Variants in SEMA4G observed in about 807,000 individuals in gnomAD.
SEMA4G encodes semaphorin 4G, also known as semaphorin-4G.
Under a neutral mutation model 81.2 loss-of-function variants are expected in SEMA4G, and 59 were observed. The ratio of observed to expected loss-of-function variants is 0.73; its 90% CI spans 0.59 to 0.90. The LOEUF (loss-of-function observed/expected upper bound fraction) is 0.90, where lower values mean the gene tolerates loss of function less well. SEMA4G is among the 40% of genes least tolerant of loss of function. SEMA4G has a pLI of 0.00. For missense variants in SEMA4G, 952 were observed against 1,102.3 expected (o/e 0.86, Z 1.93); for synonymous variants, 404 against 433.9 (o/e 0.93, Z 0.86).
chr10:100,969,757 C>T, upstream of SEMA4G: 1 of 424,706 alleles, frequency 2.4e-6, no homozygotes, highest in East Asian at 7.2e-5. Flanking sequence ...GGGGCGCGGG[C>T]CAGGCCTCGG....
At chr10:100,983,558 C>T in exon 14 of SEMA4G, 1 of 1,613,874 alleles carries the variant, frequency 6.2e-7, no homozygotes. Context: ...CCTATAGTCT[C>T]ACAGTCCGGC....
chr10:100,983,239 C>G (rs1420528808), intron 13 of SEMA4G, 66 bp from the exon 15 acceptor site: 1 of 1,453,026 alleles, frequency 6.9e-7, no homozygotes, highest in East Asian at 2.5e-5. Flanking sequence ...AGTGAACAGT[C>G]TGGCTTGCCA....
At position 100,973,071 on chromosome 10, in the gene SEMA4G, A is replaced by T; in HGVS notation, c.124+35A>T. The T allele has an allele frequency of 6.2e-7, 1 of 1,614,132 alleles. No homozygotes were observed. Among genetic ancestry groups the T allele is most frequent in the Non-Finnish European group, 8.5e-7 (1 of 1,180,014 alleles). On this transcript the variant is annotated intron_variant, in intron 1 of 13. Coordinates refer to ENST00000370250, the Ensembl canonical transcript of SEMA4G. The surrounding 1 kb of genome is among the most constrained non-coding windows in gnomAD (Gnocchi z 5.5). ...TCAACCTCAAAAGGCAGCAGAAGCC[A>T]GGGCTGGGGGTGGGGAGGCACCCCA...
At chr10:100,983,258 C>T (rs367962210) in intron 13 of SEMA4G, 47 bp from the exon 15 acceptor site, 123 of 1,470,476 alleles carry the variant, frequency 8.4e-5, no homozygotes, top group East Asian at 8.2e-4. Flanking sequence ...CATCTCTAAT[C>T]CCTTCCTGGG....
Position 100,972,989 on chromosome 10 carries a change from C to T in SEMA4G, c.77C>T (p.Pro26Leu), listed in dbSNP as rs139918504. The T allele has an allele frequency of 4.6e-5, 75 of 1,614,058 alleles. No homozygotes were observed. The African/African-American group carries it at 8.7e-4, about 19-fold the overall frequency. Residue 26 changes from proline to leucine, a missense_variant, in exon 1 of 14, where the codon CCG becomes CTG. By Grantham distance (98) the Pro-to-Leu change is moderately conservative (BLOSUM62 -3). Around this residue, in one of 3 missense-constraint regions of SEMA4G, gnomAD observed 436 missense variants for 488.2 expected, o/e 0.89. Coordinates refer to ENST00000370250, the Ensembl canonical transcript of SEMA4G. ...GTCCCAGGACCCTCACTGCGGAGAC[C>T]GTCTAGAGAACTAGATGCCACCCCT...
At chr10:100,983,516 C>T (rs765887043) in exon 14 of SEMA4G, 13 of 1,614,180 alleles carry the variant, frequency 8.1e-6, no homozygotes, top group African/African-American at 1.3e-5. Flanking sequence ...GCTGCTATGC[C>T]GAGGAAAATG....
In SEMA4G at chr10:100,980,806, C is replaced by G. The variant is rs1433692602; in HGVS notation, c.1468-16C>G. The G allele has an allele frequency of 6.4e-7, 1 of 1,564,070 alleles. No individual in the cohort carries two copies. Among genetic ancestry groups the G allele is most frequent in the Admixed American group, 2.0e-5 (1 of 49,976 alleles). On this transcript the variant is annotated splice_polypyrimidine_tract_variant and intron_variant, in intron 11 of 13. Transcript: ENST00000370250. ...AGTGGGGACGCTGCCGACCAACTGT[C>G]CTATCTGGCTCCCAGCACAGCCTCT... is the stretch of plus-strand genomic sequence containing the variant.
Position 100,973,362 on chromosome 10 carries a change from G to A in SEMA4G, c.273+85G>A. On this transcript the variant is annotated intron_variant, in intron 2 of 13. Transcript: ENST00000370250. This position sits in a 1 kb window ranked among gnomAD's most constrained non-coding sequence, Gnocchi z 5.5. Reference sequence around the variant, plus strand: ...CCTCAACTTCCTTAAAACCCTGCCAGCCTTCCATAGCCCCCTGGTCAGACA... The same window carrying A: ...CCTCAACTTCCTTAAAACCCTGCCAACCTTCCATAGCCCCCTGGTCAGACA... 6.5e-7 allele frequency: 1 copy of A among 1,527,904 alleles called. No individual in the cohort carries two copies. Among genetic ancestry groups the A allele is most frequent in the Non-Finnish European group, 8.9e-7 (1 of 1,123,230 alleles). 94.6% of individuals were successfully genotyped at this position (1,527,904 alleles called of 1,614,324 possible). A position where few individuals can be genotyped will look rare whatever the true frequency, so the allele number is the denominator to read the frequency against.
At chr10:100,982,166 A>G (rs149647789) in intron 13 of SEMA4G, among the ~76,000 whole-genome samples, 1 of 151,916 alleles carries the variant, frequency 6.6e-6, no homozygotes, top group East Asian at 1.9e-4. Flanking sequence ...CCCACAAGTT[A>G]GCCAGGCAAG....
rs1355476316 is a variant in SEMA4G at position 100,983,433 on chromosome 10, C to T, written c.1819C>T (p.Gln607Ter). 1 of 1,613,684 alleles carries T rather than the reference C, an allele frequency of 6.2e-7. No individual in the cohort carries two copies. Among genetic ancestry groups the T allele is most frequent in the Non-Finnish European group, 8.5e-7 (1 of 1,179,914 alleles). The change falls in exon 14 of 14, where the codon CAG becomes TAG. Residue 607 changes from glutamine to a stop codon, truncating the protein, a stop_gained. Coordinates refer to ENST00000370250, the Ensembl canonical transcript of SEMA4G. LOFTEE classifies it high-confidence loss of function. ...TGGGAGCATGGGCCTGAGCGATGGGCAGGGTGGCTACCGTGTGGGCGTGGA... is the reference window on the plus strand; with the variant it reads ...TGGGAGCATGGGCCTGAGCGATGGGTAGGGTGGCTACCGTGTGGGCGTGGA...
At chr10:100,972,881 G>A (rs777690359) in exon 1 of SEMA4G, 17 of 1,584,592 alleles carry the variant, frequency 1.1e-5, no homozygotes, top group East Asian at 2.2e-5. Context: ...GCTCCCTTTG[G>A]GGGTCTTGTT....
upstream of SEMA4G, among the ~76,000 whole-genome samples, chr10:100,970,805 T>C (rs768185328): frequency 1.3e-5 from 2 of 152,132 alleles, no homozygotes. Context: ...TGAACATGAT[T>C]GCCTGGCCCA....
chr10:100,984,648 T>C (rs1489476783), exon 14 of SEMA4G: 4 of 1,536,224 alleles, frequency 2.6e-6, no homozygotes, highest in Non-Finnish European at 3.5e-6. Context: ...TGGGCTGCAG[T>C]GCCCCCACCC....
chr10:100,969,778 G>A (rs1000336668), upstream of SEMA4G: 67 of 439,388 alleles, frequency 1.5e-4, no homozygotes, highest in African/African-American at 1.3e-3. Context: ...GCTGCGCGGG[G>A]TGCAAACCGG....
chr10:100,979,019 G>A lies in SEMA4G; in HGVS notation c.813+1G>A. ...GGCCCGTGTGGCTCGTGTCTGCAAG[G>A]TGGATTGGGCTGACGTTGGGGCACG... is the stretch of plus-strand genomic sequence containing the variant. On this transcript the variant is annotated splice_donor_variant, in intron 7 of 13. Coordinates refer to ENST00000370250, the Ensembl canonical transcript of SEMA4G. LOFTEE classifies it high-confidence loss of function. The A allele has an allele frequency of 6.2e-7, 1 of 1,614,018 alleles. No individual in the cohort carries two copies.
chr10:100,980,572 T>C lies in SEMA4G; in HGVS notation c.1352-6T>C, dbSNP rs768137850. The C allele has an allele frequency of 6.2e-7, 1 of 1,610,980 alleles. No individual in the cohort carries two copies. Among genetic ancestry groups the C allele is most frequent in the Non-Finnish European group, 8.5e-7 (1 of 1,177,260 alleles). On this transcript the variant is annotated splice_region_variant and splice_polypyrimidine_tract_variant and intron_variant, in intron 10 of 13. Transcript: ENST00000370250. ...GGGGTCTAACTCTCTGCTCTTTCCA[T>C]ACCAGCTGATGGCTGGATCCACAAG...
chr10:100,969,545 C>G (rs1850568737), upstream of SEMA4G: 1 of 155,500 alleles, frequency 6.4e-6, no homozygotes. Flanking sequence ...TGTGGGGCCG[C>G]GGAGCCGCGC....
intron 13 of SEMA4G, among the ~76,000 whole-genome samples, chr10:100,982,749 G>A (rs772211652): frequency 6.6e-6 from 1 of 152,128 alleles, no homozygotes; most frequent in Non-Finnish European, 1.5e-5. Context: ...CTGAGATCAC[G>A]TCACTGCACT....
chr10:100,980,031 A>G (rs1442741675), intron 9 of SEMA4G, 39 bp downstream of exon 10: 24 of 1,613,686 alleles, frequency 1.5e-5, no homozygotes, highest in Non-Finnish European at 1.9e-5. Context: ...GAGTAGACAG[A>G]GCCCAGGGAA....
Sources: allele counts gnomAD v4.1 joint callset (sites outside exome capture counted in the v4.1 genomes callset), GRCh38; gene constraint gnomAD v4.1.1; regional missense constraint gnomAD v4.1.1; non-coding constraint Gnocchi (gnomAD v3.1); transcripts MANE v1.5; gene names NCBI Gene and HGNC (gene_info 2026-07-23, HGNC 2026-07-21).